The following PEX6 variants were observed in gnomAD, a reference collection of about 807,000 sequenced individuals.
The protein encoded by PEX6 is peroxisome biogenesis factor 6.
Under a neutral mutation model 85.6 loss-of-function variants are expected in PEX6, and 55 were observed. That is an observed-to-expected ratio of 0.64 (90% CI 0.52 to 0.80). The LOEUF is 0.80. PEX6 is among the 30% of genes least tolerant of loss of function. The pLI, the probability that PEX6 is intolerant of heterozygous loss-of-function variation, is 0.00. For missense variants in PEX6, 1,099 were observed against 1,260.3 expected, an observed-to-expected ratio of 0.87 and a Z score of 1.94; for synonymous variants, 519 against 549.1, an observed-to-expected ratio of 0.95 and a Z score of 0.77.
intron 3 of PEX6, among the ~76,000 whole-genome samples, chr6:42,972,332 T>C (rs912443862): frequency 6.6e-6 from 1 of 152,192 alleles, no homozygotes; most frequent in Non-Finnish European, 1.5e-5. Context: ...GTGTCTCAAT[T>C]CTTTGCCTCA....
chr6:42,977,842 CTTT>C (rs34177781), intron 1 of PEX6, among the ~76,000 whole-genome samples: 4 of 115,630 alleles, frequency 3.5e-5, no homozygotes, highest in Admixed American at 9.6e-5. Context: ...AAACATTATG[CTTT>C]TTTTTTTTTT....
Position 42,968,476 on chromosome 6 carries a change from GCA to G in PEX6, c.1500_1501del (p.Ala501ArgfsTer3). ...TGTCTCCACAGCCCCACTACTTTCT[GCA>G]CAGAGGCTGGAGCAGGGCACCTGGG... On this transcript the variant is annotated frameshift_variant, in exon 7 of 17. Transcript: ENST00000304611. LOFTEE classifies it high-confidence loss of function. 3.2e-6 allele frequency: 5 copies of G among 1,586,858 alleles called. No individual in the cohort carries two copies. Among genetic ancestry groups the G allele is most frequent in the Non-Finnish European group, 4.3e-6 (5 of 1,166,298 alleles).
chr6:42,974,118 C>A lies in PEX6; in HGVS notation c.1047-32G>T, dbSNP rs373383666. ...CACAGCAGTGGCCCTGGTCAGGTCA[C>A]AATGGGAGTAATGAGCATGTGTTCA... On this transcript the variant is annotated intron_variant, in intron 2 of 16. Coordinates refer to ENST00000304611, the MANE Select transcript of PEX6 (RefSeq NM_000287.4). The A allele has an allele frequency of 7.2e-6, 11 of 1,530,206 alleles. No individual in the cohort carries two copies. In the African/African-American group the frequency reaches 1.4e-4, roughly 19 times the overall value. The allele number at this position is 1,530,206 out of a possible 1,614,324, so 94.8% of individuals were successfully genotyped here.
At chr6:42,966,936 A>C in intron 8 of PEX6, 78 bp from the exon 9 acceptor site, 3 of 1,017,986 alleles carry the variant, frequency 2.9e-6, no homozygotes, top group Non-Finnish European at 4.6e-6. Context: ...CAGCTAGAGC[A>C]GAGGCCCTCT....
chr6:42,974,570 G>A lies in PEX6; in HGVS notation c.1046+305C>T, dbSNP rs561400348. 4.3e-4 allele frequency among the ~76,000 whole-genome samples: 61 copies of A among 143,464 alleles called. No individual in the cohort carries two copies. The Admixed American group carries it at 4.5e-3, about 11-fold the overall frequency. 94.1% of individuals were successfully genotyped at this position (143,464 alleles called of 152,430 possible). ...CCTCCCGGGTTCACGCCATTCTCCTGCCTCAGCCTCCCAAGTAGCTGGGAC... is the reference window on the plus strand; with the variant it reads ...CCTCCCGGGTTCACGCCATTCTCCTACCTCAGCCTCCCAAGTAGCTGGGAC... On this transcript the variant is annotated intron_variant, in intron 2 of 16. Transcript: ENST00000304611.
chr6:42,976,385 C>T (rs537882358), intron 1 of PEX6, among the ~76,000 whole-genome samples: 1 of 151,904 alleles, frequency 6.6e-6, no homozygotes, highest in Non-Finnish European at 1.5e-5. Flanking sequence ...TTTTTTGAGA[C>T]AGAATCTTGC....
At chr6:42,977,070 G>A (rs1197781789) in intron 1 of PEX6, among the ~76,000 whole-genome samples, 1 of 152,122 alleles carries the variant, frequency 6.6e-6, no homozygotes, top group African/African-American at 2.4e-5. Context: ...TTGAGGGAAA[G>A]GAGGGTAGGA....
rs2150236110 is a variant in PEX6, at chr6:42,974,992, G to A, written c.929C>T (p.Ser310Leu). The A allele has an allele frequency of 6.2e-7, 1 of 1,613,708 alleles. No individual in the cohort carries two copies. Among genetic ancestry groups the A allele is most frequent in the Non-Finnish European group, 8.5e-7 (1 of 1,179,832 alleles). The change falls in exon 2 of 17, where the codon TCA (serine) becomes TTA (leucine). Residue 310 changes from serine to leucine, a missense_variant. Ser to Leu is a moderately radical substitution (Grantham distance 145). Transcript: ENST00000304611. Reference protein sequence around the residue: ...SIAPEDKGSCSLLPGPPFARE... With the variant: ...SIAPEDKGSCLLLPGPPFARE... Reference sequence around the variant, plus strand: ...GGCAAATGGAGGCCCAGGCAGCAATGAGCAGCTTCCTTTGTCTTCAGGGGC... The same window carrying A: ...GGCAAATGGAGGCCCAGGCAGCAATAAGCAGCTTCCTTTGTCTTCAGGGGC...
In PEX6 at chr6:42,979,131, C is replaced by G; in HGVS notation, c.20G>C (p.Arg7Pro). Residue 7 changes from arginine (R) to proline (P), a missense_variant, in exon 1 of 17, where the codon CGG (arginine) becomes CCG (proline). Around this residue, in one of 3 missense-constraint regions of PEX6, gnomAD observed 579 missense variants for 611.6 expected, o/e 0.95. Coordinates refer to ENST00000304611, the MANE Select transcript of PEX6 (RefSeq NM_000287.4). MALAVLRVLEPFPTETP... is the reference protein window; with the variant it reads MALAVLPVLEPFPTETP... The stretch of plus-strand genomic sequence containing the variant: ...CTCGGTCGGAAAGGGCTCCAGGACC[C>G]GCAAGACAGCCAGCGCCATGGTGAC... The G allele has an allele frequency of 1.9e-6, 3 of 1,576,934 alleles. No homozygotes were observed. The highest frequency in any genetic ancestry group is 2.6e-6 in the Non-Finnish European group (3 of 1,170,252).
Position 42,964,664 on chromosome 6 carries a change from AG to A in PEX6, c.2806+125del. 1 of 1,384,094 alleles carries A rather than the reference AG, an allele frequency of 7.2e-7. No individual in the cohort carries two copies. The highest frequency in any genetic ancestry group is 1.0e-6 in the Non-Finnish European group (1 of 977,092). 85.7% of individuals were successfully genotyped at this position (1,384,094 alleles called of 1,614,324 possible). A position where few individuals can be genotyped will look rare whatever the true frequency, so the allele number is the denominator to read the frequency against. ...GAGTTGGGGTCTCTCTGTGTTGCCC[AG>A]GCTGGCCTCAAACTCCTGGGCTCAA... On this transcript the variant is annotated intron_variant, in intron 16 of 16. Transcript: ENST00000304611. The surrounding 1 kb of genome is among the most constrained non-coding windows in gnomAD (Gnocchi z 4.6).
intron 3 of PEX6, among the ~76,000 whole-genome samples, chr6:42,970,710 A>G (rs1770031719): frequency 6.6e-6 from 1 of 152,198 alleles, no homozygotes. Flanking sequence ...GTATGGTTTT[A>G]TGGTGTGTGA....
intron 2 of PEX6, among the ~76,000 whole-genome samples, chr6:42,974,296 G>C (rs1446640152): frequency 1.3e-5 from 2 of 152,142 alleles, no homozygotes; most frequent in African/African-American, 4.8e-5. Context: ...ACAGATGAGT[G>C]GCAGAGCAGG....
chr6:42,978,135 G>A (rs906934188), intron 1 of PEX6, 134 bp downstream of exon 1: 19 of 1,120,436 alleles, frequency 1.7e-5, no homozygotes, highest in African/African-American at 1.5e-4. Flanking sequence ...GTGAGTCACC[G>A]CGCCCGGCTA....
Position 42,965,957 on chromosome 6 carries a change from T to A in PEX6, c.2362+87A>T. On this transcript the variant is annotated intron_variant, in intron 12 of 16. Transcript: ENST00000304611. This position sits in a 1 kb window ranked among gnomAD's most constrained non-coding sequence, Gnocchi z 5.0. ...TTGTAGAAAGGAGGATTAGGAATGA[T>A]CATGAGTAGCCTGGGAGTAGGGGGT... is the stretch of plus-strand genomic sequence containing the variant. 6.8e-7 allele frequency: 1 copy of A among 1,477,466 alleles called. No individual in the cohort carries two copies. Among genetic ancestry groups the A allele is most frequent in the Admixed American group, 1.7e-5 (1 of 59,840 alleles). The allele number at this position is 1,477,466 out of a possible 1,614,324, so 91.5% of individuals were successfully genotyped here.
At position 42,969,935 on chromosome 6, in the gene PEX6, C is replaced by G. The variant is rs755139673; in HGVS notation, c.1183G>C (p.Gly395Arg). The change falls in exon 4 of 17, where the codon GGA (glycine) becomes CGA (arginine). Residue 395 changes from glycine (G) to arginine (R), a missense_variant. Around this residue, in one of 3 missense-constraint regions of PEX6, gnomAD observed 579 missense variants for 611.6 expected, o/e 0.95. Coordinates refer to ENST00000304611, the MANE Select transcript of PEX6 (RefSeq NM_000287.4). ...TCGGCCAAGTAGGCACTGGCTGGTC[C>G]ATCTGGAGCTTCCCCAACTGTTTTC... ...VKKTVGEAPD[G>R]PASAYLADTT... 2.5e-6 allele frequency: 4 copies of G among 1,614,218 alleles called. No individual in the cohort carries two copies.
At chr6:42,966,937 G>T in intron 8 of PEX6, 79 bp from the exon 9 acceptor site, 1 of 1,000,450 alleles carries the variant, frequency 1.0e-6, no homozygotes, top group Non-Finnish European at 1.6e-6. Context: ...AGCTAGAGCA[G>T]AGGCCCTCTG....
chr6:42,978,149 A>T, intron 1 of PEX6, 120 bp downstream of exon 1: 1 of 1,278,134 alleles, frequency 7.8e-7, no homozygotes, highest in Middle Eastern at 2.0e-4. Context: ...CCGGCTAGAA[A>T]CATTATGTTC....
Position 42,964,487 on chromosome 6 carries a change from T to G in PEX6, c.2807-16A>C. 6.2e-7 allele frequency: 1 copy of G among 1,612,654 alleles called. No individual in the cohort carries two copies. The highest frequency in any genetic ancestry group is 8.5e-7 in the Non-Finnish European group (1 of 1,179,890). The stretch of plus-strand genomic sequence containing the variant: ...GGCTCCAGCCCTGGAGATGACAAGG[T>G]GGGGAGGCTGTGGTCTATGCCCAGG... On this transcript the variant is annotated splice_polypyrimidine_tract_variant and intron_variant, in intron 16 of 16. Coordinates refer to ENST00000304611, the MANE Select transcript of PEX6 (RefSeq NM_000287.4). The surrounding 1 kb of genome is among the most constrained non-coding windows in gnomAD (Gnocchi z 4.6).
chr6:42,970,039 T>C, intron 3 of PEX6, 52 bp from the exon 4 acceptor site: 1 of 1,403,302 alleles, frequency 7.1e-7, no homozygotes, highest in Non-Finnish European at 1.0e-6. Flanking sequence ...AAAACCCCCC[T>C]CCTCAAGGAC....
Sources: allele counts gnomAD v4.1 joint callset (sites outside exome capture counted in the v4.1 genomes callset), GRCh38; gene constraint gnomAD v4.1.1; regional missense constraint gnomAD v4.1.1; non-coding constraint Gnocchi (gnomAD v3.1); transcripts MANE v1.5; gene names NCBI Gene and HGNC (gene_info 2026-07-23, HGNC 2026-07-21).